KIF6: variants seen among roughly 807,000 people sequenced by gnomAD.
KIF6 encodes kinesin family member 6.
KIF6 carries 106 observed loss-of-function variants against 112.7 expected under a neutral mutation model. That is an observed-to-expected ratio of 0.94 (90% CI 0.80 to 1.11). KIF6 has a LOEUF of 1.11. Among genes scored for constraint, KIF6 ranks in the 50% least tolerant of loss-of-function variants. KIF6 has a pLI of 0.00. For synonymous variants in KIF6, 339 were observed against 339.9 expected (o/e 1.00, Z 0.03); for missense variants, 929 against 964.0 (o/e 0.96, Z 0.48).
intron 7 of KIF6, 75 bp downstream of exon 7, chr6:39,595,979 G>T: frequency 8.7e-7 from 1 of 1,142,900 alleles, no homozygotes; most frequent in Non-Finnish European, 1.3e-6. Context: ...AATTCTAATA[G>T]AATGCCTGAT....
intron 3 of KIF6, among the ~76,000 whole-genome samples, chr6:39,700,977 G>A (rs1235219656): frequency 6.6e-6 from 1 of 152,100 alleles, no homozygotes; most frequent in Non-Finnish European, 1.5e-5. Flanking sequence ...TGGGATTAGA[G>A]GTGTGAGCCA....
At chr6:39,423,805 T>C (rs1019616986) in intron 14 of KIF6, among the ~76,000 whole-genome samples, 1 of 152,042 alleles carries the variant, frequency 6.6e-6, no homozygotes, top group African/African-American at 2.4e-5. Context: ...CTATCCTCAA[T>C]ATCTATCAGA....
chr6:39,408,899 G>C (rs1015145753), intron 15 of KIF6, among the ~76,000 whole-genome samples: 1 of 152,046 alleles, frequency 6.6e-6, no homozygotes, highest in Non-Finnish European at 1.5e-5. Context: ...TCCAGATTAA[G>C]GGAGAGAACC....
At chr6:39,420,408 T>G (rs1770265289) in intron 14 of KIF6, among the ~76,000 whole-genome samples, 1 of 152,252 alleles carries the variant, frequency 6.6e-6, no homozygotes, top group African/African-American at 2.4e-5. Flanking sequence ...TATCAGAGGT[T>G]GTAAAACTAT....
At chr6:39,367,920 A>G (rs1170309231) in intron 16 of KIF6, among the ~76,000 whole-genome samples, 1 of 152,160 alleles carries the variant, frequency 6.6e-6, no homozygotes, top group Non-Finnish European at 1.5e-5. Context: ...CCTACTCCAG[A>G]CCTACTGAGT....
At chr6:39,392,876 T>C (rs1451715736) in intron 15 of KIF6, among the ~76,000 whole-genome samples, 2 of 152,248 alleles carry the variant, frequency 1.3e-5, no homozygotes, top group African/African-American at 4.8e-5. Flanking sequence ...GGTGAAGAGA[T>C]AGCAGTTGAG....
At chr6:39,337,195 C>CTTTCTTTCT (rs1763041815) in intron 22 of KIF6, among the ~76,000 whole-genome samples, 1 of 91,090 alleles carries the variant, frequency 1.1e-5, no homozygotes, top group South Asian at 3.3e-4. Flanking sequence ...TTCTTTCTTT[C>CTTTCTTTCT]TTTCTTTCTT....
At chr6:39,380,708 T>C (rs1252455609) in intron 16 of KIF6, among the ~76,000 whole-genome samples, 2 of 151,820 alleles carry the variant, frequency 1.3e-5, no homozygotes, top group East Asian at 3.9e-4. Context: ...CCAGCATGGC[T>C]GATTTGAAGC....
intron 3 of KIF6, among the ~76,000 whole-genome samples, chr6:39,650,128 A>G (rs1473743997): frequency 6.6e-6 from 1 of 152,166 alleles, no homozygotes; most frequent in Non-Finnish European, 1.5e-5. Flanking sequence ...ACTACTTCAA[A>G]CCAAACTTTG....
At chr6:39,490,859 A>C (rs193060119) in intron 13 of KIF6, among the ~76,000 whole-genome samples, 50 of 152,288 alleles carry the variant, frequency 3.3e-4, no homozygotes, top group African/African-American at 9.6e-4. Flanking sequence ...TAAGAGTAAT[A>C]ATAACGAACT....
At chr6:39,531,370 G>C (rs1183538130) in intron 13 of KIF6, among the ~76,000 whole-genome samples, 1 of 152,304 alleles carries the variant, frequency 6.6e-6, no homozygotes, top group South Asian at 2.1e-4. Context: ...GTGATTATAA[G>C]ATGCTGTGGG....
At chr6:39,638,401 T>C (rs1784735411) in intron 4 of KIF6, among the ~76,000 whole-genome samples, 1 of 152,058 alleles carries the variant, frequency 6.6e-6, no homozygotes, top group Admixed American at 6.6e-5. Context: ...CAATGAAAAC[T>C]ATTAGGAATT....
At chr6:39,604,605 AG>A (rs1782781029) in intron 6 of KIF6, among the ~76,000 whole-genome samples, 1 of 152,160 alleles carries the variant, frequency 6.6e-6, no homozygotes, top group Non-Finnish European at 1.5e-5. Flanking sequence ...GCAGGATTCT[AG>A]GTCTTTTTCT....
intron 19 of KIF6, among the ~76,000 whole-genome samples, chr6:39,353,098 T>C (rs758051847): frequency 3.3e-5 from 5 of 152,188 alleles, no homozygotes; most frequent in African/African-American, 4.8e-5. Flanking sequence ...CTGGATTGTA[T>C]GGTAAGATCA....
chr6:39,723,810 G>A (rs890042335), intron 1 of KIF6, among the ~76,000 whole-genome samples: 5 of 152,084 alleles, frequency 3.3e-5, no homozygotes, highest in African/African-American at 1.2e-4. Flanking sequence ...AGATTGGTGG[G>A]TGCAGCAAAC....
intron 3 of KIF6, among the ~76,000 whole-genome samples, chr6:39,709,767 G>T (rs1789430467): frequency 6.6e-6 from 1 of 152,174 alleles, no homozygotes; most frequent in Admixed American, 6.5e-5. Flanking sequence ...GTTTAAAGTG[G>T]TCAGATTTTA....
At chr6:39,337,155 T>TTTTCTTTCCTTCTTTCTTTC (rs1762995482) in intron 22 of KIF6, among the ~76,000 whole-genome samples, 2 of 53,674 alleles carry the variant, frequency 3.7e-5, no homozygotes, top group Non-Finnish European at 6.7e-5. Flanking sequence ...TTTCTCTTTC[T>TTTTCTTTCCTTCTTTCTTTC]TTTCTTTCTT....
At chr6:39,668,075 G>A (rs1467519099) in intron 3 of KIF6, among the ~76,000 whole-genome samples, 1 of 148,764 alleles carries the variant, frequency 6.7e-6, no homozygotes, top group Non-Finnish European at 1.5e-5. Context: ...TTCACCTTCC[G>A]CCATGATTGT....
chr6:39,572,310 T>C (rs371016111), intron 10 of KIF6, among the ~76,000 whole-genome samples: 1 of 152,212 alleles, frequency 6.6e-6, no homozygotes, highest in African/African-American at 2.4e-5. Flanking sequence ...TATTTGTGTG[T>C]ATATATGTGT....
Sources: gnomAD v4.1 joint callset for allele counts (sites outside exome capture counted in the v4.1 genomes callset) on GRCh38, gnomAD v4.1.1 for gene constraint, MANE v1.5 for transcripts, NCBI Gene and HGNC (gene_info 2026-07-23, HGNC 2026-07-21) for gene names.